The following SCUBE1 variants were observed in gnomAD, a reference collection of about 807,000 sequenced individuals.
SCUBE1 encodes signal peptide, CUB domain and EGF like domain containing 1.
In SCUBE1, 59 loss-of-function variants were observed where a neutral mutation model predicts 124.4. The observed-to-expected ratio is 0.47, with a 90% CI of 0.38 to 0.59. The LOEUF is 0.59. Among genes scored for constraint, SCUBE1 ranks in the 20% least tolerant of loss-of-function variants. The pLI is 0.00. For synonymous variants in SCUBE1, 545 were observed against 550.9 expected (o/e 0.99, Z 0.15); for missense variants, 1,150 against 1,371.2 (o/e 0.84, Z 2.55).
At chr22:43,252,570 C>T (rs1923494754) in intron 6 of SCUBE1, among the ~76,000 whole-genome samples, 1 of 152,232 alleles carries the variant, frequency 6.6e-6, no homozygotes, top group Non-Finnish European at 1.5e-5. Flanking sequence ...CTCCTTCTGC[C>T]TGTGCCTGTC....
At chr22:43,285,599 C>T (rs564436766) in intron 4 of SCUBE1, among the ~76,000 whole-genome samples, 2 of 152,304 alleles carry the variant, frequency 1.3e-5, no homozygotes, top group South Asian at 2.1e-4. Context: ...CCTGAGGGCT[C>T]AGCTCAGAAT....
intron 4 of SCUBE1, among the ~76,000 whole-genome samples, chr22:43,287,699 TA>T (rs1463975825): frequency 4.6e-5 from 7 of 152,190 alleles, no homozygotes; most frequent in African/African-American, 1.4e-4. Flanking sequence ...AGTCAGGTGA[TA>T]GGGGGAATCT....
chr22:43,226,647 G>A (rs1601810940), intron 10 of SCUBE1, among the ~76,000 whole-genome samples: 1 of 148,380 alleles, frequency 6.7e-6, no homozygotes, highest in East Asian at 2.1e-4. Flanking sequence ...GTGGGGGCGG[G>A]GTTCTGAGCC....
chr22:43,288,396 C>T (rs904880153), intron 4 of SCUBE1, among the ~76,000 whole-genome samples: 2 of 152,158 alleles, frequency 1.3e-5, no homozygotes, highest in Middle Eastern at 3.2e-3. Context: ...CCTACCTCTG[C>T]TCAACCAGCT....
In SCUBE1 at chr22:43,273,824, C is replaced by T. The variant is rs532530628; in HGVS notation, c.485-10979G>A. ...CTGGGCTCAAGCGATCCTCCCACCT[C>T]GGCCTCCCAAAGTGCTGGGATTACA... On this transcript the variant is annotated intron_variant, in intron 4 of 21. Coordinates refer to ENST00000360835, the MANE Select transcript of SCUBE1 (RefSeq NM_173050.5). Among the ~76,000 whole-genome samples the T allele has an allele frequency of 1.6e-4, 24 of 152,172 alleles. No individual in the cohort carries two copies. In the South Asian group the frequency reaches 4.1e-3, roughly 26 times the overall value.
chr22:43,303,280 C>T (rs1925842836), intron 3 of SCUBE1, among the ~76,000 whole-genome samples: 2 of 152,254 alleles, frequency 1.3e-5, no homozygotes, highest in Admixed American at 6.5e-5. Flanking sequence ...TACCAGGTAT[C>T]CTTGAGCGTG....
At chr22:43,331,984 G>A (rs1926918124) in intron 2 of SCUBE1, among the ~76,000 whole-genome samples, 1 of 152,170 alleles carries the variant, frequency 6.6e-6, no homozygotes, top group Admixed American at 6.5e-5. Flanking sequence ...GAGGCTGGGT[G>A]GGGAGGGATG....
chr22:43,236,972 A>T (rs1922791637), intron 7 of SCUBE1, among the ~76,000 whole-genome samples: 1 of 152,132 alleles, frequency 6.6e-6, no homozygotes, highest in Non-Finnish European at 1.5e-5. Flanking sequence ...AGTGGGAGCC[A>T]GGGCCCTAAG....
chr22:43,210,998 G>A lies in SCUBE1; in HGVS notation c.2307C>T (p.Gly769=). 2 of 1,614,124 alleles carry A rather than the reference G, an allele frequency of 1.2e-6. No individual in the cohort carries two copies. Among genetic ancestry groups the A allele is most frequent in the Non-Finnish European group, 1.7e-6 (2 of 1,180,010 alleles). Residue 769 remains glycine, a synonymous_variant, in exon 18 of 22, where the codon GGC becomes GGT. Transcript: ENST00000360835. The surrounding 1 kb of genome is among the most constrained non-coding windows in gnomAD (Gnocchi z 4.5). ...CCGGACAGGTGATGCAGTGGTTCTG[G>A]CCAAACTCGGGCTGGTAGGTGCCGA... ...CPVGTYQPEF[G]QNHCITCPGN...
chr22:43,262,777 C>T lies in SCUBE1; in HGVS notation c.553G>A (p.Val185Met). 1 of 1,614,138 alleles carries T rather than the reference C, an allele frequency of 6.2e-7. No individual in the cohort carries two copies. The highest frequency in any genetic ancestry group is 8.5e-7 in the Non-Finnish European group (1 of 1,179,962). Reference protein sequence around the residue: ...HICRETPKGGVACDCRPGFDL... With the variant: ...HICRETPKGGMACDCRPGFDL... ...AAGCCGGGCCTGCAGTCGCAGGCCA[C>T]CCCACCTTTGGGCGTCTCCCGGCAG... Residue 185 changes from valine to methionine, a missense_variant, in exon 5 of 22, where the codon GTG becomes ATG. By Grantham distance (21) the Val-to-Met change is conservative. This residue lies in a region of SCUBE1 where 337 missense variants were observed against 482.1 expected (regional missense o/e 0.70). Coordinates refer to ENST00000360835, the MANE Select transcript of SCUBE1 (RefSeq NM_173050.5).
chr22:43,297,933 A>G (rs1371619527), intron 3 of SCUBE1, among the ~76,000 whole-genome samples: 1 of 152,122 alleles, frequency 6.6e-6, no homozygotes, highest in East Asian at 1.9e-4. Context: ...CCGGTGTCCC[A>G]GCTCCCACGG....
At chr22:43,207,300 T>C (rs1009912437) in intron 21 of SCUBE1, among the ~76,000 whole-genome samples, 9 of 151,780 alleles carry the variant, frequency 5.9e-5, no homozygotes, top group African/African-American at 2.2e-4. Context: ...CAGGTCCTGG[T>C]CCCCAAGTCC....
chr22:43,278,265 C>A (rs1924613959), intron 4 of SCUBE1, among the ~76,000 whole-genome samples: 2 of 152,258 alleles, frequency 1.3e-5, no homozygotes, highest in Non-Finnish European at 2.9e-5. Context: ...CTGCAGCAGG[C>A]AAGGGAGCGA....
At chr22:43,236,385 A>G (rs567788305) in intron 7 of SCUBE1, among the ~76,000 whole-genome samples, 1 of 152,240 alleles carries the variant, frequency 6.6e-6, no homozygotes, top group African/African-American at 2.4e-5. Context: ...TGCCTTCTCT[A>G]TGTCTGCTGC....
At chr22:43,302,729 C>T (rs1386187590) in intron 3 of SCUBE1, among the ~76,000 whole-genome samples, 2 of 152,164 alleles carry the variant, frequency 1.3e-5, no homozygotes, top group Non-Finnish European at 2.9e-5. Context: ...GTAGGAGGCA[C>T]TGGAGTTTTT....
chr22:43,220,653 C>T, intron 13 of SCUBE1, 66 bp from the exon 14 acceptor site: 4 of 1,567,672 alleles, frequency 2.6e-6, no homozygotes, highest in Non-Finnish European at 3.5e-6. Context: ...CTACCAAGCC[C>T]TGCATACAGA....
intron 3 of SCUBE1, among the ~76,000 whole-genome samples, chr22:43,318,851 T>A (rs1926442465): frequency 6.6e-6 from 1 of 152,178 alleles, no homozygotes; most frequent in African/African-American, 2.4e-5. Context: ...TACCTCAGCC[T>A]CCCAAATAGC....
chr22:43,254,650 T>C (rs930678224), intron 6 of SCUBE1, among the ~76,000 whole-genome samples: 2 of 152,088 alleles, frequency 1.3e-5, no homozygotes, highest in Admixed American at 6.5e-5. Flanking sequence ...CCTGACCCCA[T>C]AGCTGCAAAC....
intron 10 of SCUBE1, among the ~76,000 whole-genome samples, chr22:43,226,091 A>G (rs530607472): frequency 7.2e-5 from 11 of 152,300 alleles, no homozygotes; most frequent in African/African-American, 2.6e-4. Context: ...GTTCACTGAC[A>G]AATATTTACT....
Sources: allele counts gnomAD v4.1 joint callset (sites outside exome capture counted in the v4.1 genomes callset), GRCh38; gene constraint gnomAD v4.1.1; regional missense constraint gnomAD v4.1.1; non-coding constraint Gnocchi (gnomAD v3.1); transcripts MANE v1.5; gene names NCBI Gene and HGNC (gene_info 2026-07-23, HGNC 2026-07-21).